The following LAMA1 variants were observed in gnomAD, a reference collection of about 807,000 sequenced individuals.
LAMA1 encodes laminin subunit alpha-1.
In LAMA1, 219 loss-of-function variants were observed where a neutral mutation model predicts 348.7. The ratio of observed to expected loss-of-function variants is 0.63; its 90% CI spans 0.56 to 0.70. The LOEUF (loss-of-function observed/expected upper bound fraction) is 0.70. Ranked by LOEUF, LAMA1 falls within the 30% of genes least tolerant of loss-of-function variation. LAMA1 has a pLI of 0.00. For synonymous variants in LAMA1, 1,487 were observed against 1,491.0 expected (o/e 1.00, Z 0.06); for missense variants, 3,744 against 3,888.0 (o/e 0.96, Z 0.99).
chr18:7,029,617 C>T (rs2144155310), intron 16 of LAMA1, among the ~76,000 whole-genome samples: 1 of 152,180 alleles, frequency 6.6e-6, no homozygotes, highest in Non-Finnish European at 1.5e-5. Context: ...ACCTGACTGT[C>T]CCTGTTGGTG....
At chr18:7,100,489 G>A (rs1344668225) in intron 1 of LAMA1, among the ~76,000 whole-genome samples, 2 of 152,162 alleles carry the variant, frequency 1.3e-5, no homozygotes, top group Non-Finnish European at 2.9e-5. Flanking sequence ...CAAGAGAAAT[G>A]AAACCTATAT....
intron 3 of LAMA1, among the ~76,000 whole-genome samples, chr18:7,070,924 C>T (rs1037118307): frequency 6.6e-4 from 93 of 139,978 alleles, no homozygotes; most frequent in South Asian, 1.2e-3. Context: ...AAAAAAAACA[C>T]GTTAGGTAGC....
chr18:7,040,186 A>AT lies in LAMA1; in HGVS notation c.1311dup (p.Cys438MetfsTer2). 1 of 1,613,896 alleles carries AT rather than the reference A, an allele frequency of 6.2e-7. No individual in the cohort carries two copies. The highest frequency in any genetic ancestry group is 8.5e-7 in the Non-Finnish European group (1 of 1,179,970). ...TTATAGCCAAGTTGGCAGCGATCAC[A>AT]TTTTTCTCCTGTATAACCTTCCTTA... On this transcript the variant is annotated frameshift_variant, in exon 10 of 63. Coordinates refer to ENST00000389658, the MANE Select transcript of LAMA1 (RefSeq NM_005559.4). LOFTEE classifies it high-confidence loss of function.
chr18:7,048,306 G>A (rs1277897123), intron 5 of LAMA1, among the ~76,000 whole-genome samples: 2 of 152,182 alleles, frequency 1.3e-5, no homozygotes, highest in Admixed American at 6.5e-5. Flanking sequence ...CACGCACACA[G>A]GAACAGCGGG....
At chr18:7,063,737 T>A (rs2058111675) in intron 3 of LAMA1, among the ~76,000 whole-genome samples, 1 of 152,114 alleles carries the variant, frequency 6.6e-6, no homozygotes, top group Admixed American at 6.5e-5. Flanking sequence ...GTACGCTAAG[T>A]GAAATAAGCC....
At chr18:6,996,764 G>A (rs1278086630) in intron 33 of LAMA1, among the ~76,000 whole-genome samples, 1 of 151,938 alleles carries the variant, frequency 6.6e-6, no homozygotes, top group Non-Finnish European at 1.5e-5. Flanking sequence ...GGGTGACTGA[G>A]GGAGACCCTG....
At chr18:6,990,852 G>A (rs1230452060) in intron 36 of LAMA1, among the ~76,000 whole-genome samples, 1 of 152,066 alleles carries the variant, frequency 6.6e-6, no homozygotes, top group East Asian at 1.9e-4. Context: ...ACAGATTCAG[G>A]TTTGTGGTCA....
chr18:6,973,236 AT>A (rs2057666495), intron 46 of LAMA1, 29 bp from the exon 47 acceptor site: 31 of 1,609,690 alleles, frequency 1.9e-5, no homozygotes, highest in Non-Finnish European at 2.5e-5. Flanking sequence ...TGCAAAAGAA[AT>A]TTTCAGAATT....
intron 8 of LAMA1, chr18:7,042,895 TAA>T (rs137994290): frequency 1.2e-5 from 3 of 253,724 alleles, no homozygotes; most frequent in East Asian, 9.8e-5. Flanking sequence ...AAATAAAAAT[TAA>T]AAAAAAAAGA....
Position 6,950,986 on chromosome 18 carries a change from T to C in LAMA1, c.8208-15A>G. On this transcript the variant is annotated splice_polypyrimidine_tract_variant and intron_variant, in intron 57 of 62. Coordinates refer to ENST00000389658, the MANE Select transcript of LAMA1 (RefSeq NM_005559.4). ...CAACCGAGAGCCTGGGGAAAACAAG[T>C]GCTCAGCGTTGAGAAAGGAAACTTT... is the stretch of plus-strand genomic sequence containing the variant. 1 of 1,611,484 alleles carries C rather than the reference T, an allele frequency of 6.2e-7. No individual in the cohort carries two copies. The highest frequency in any genetic ancestry group is 8.5e-7 in the Non-Finnish European group (1 of 1,178,944).
rs1025279155 is a variant in LAMA1, at chr18:6,994,030, C to A, written c.4897-278G>T. ...CTAATTGTGTATTAAACTACAGATT[C>A]TCCTAGTGGCTATACTGTGAGGGCC... On this transcript the variant is annotated intron_variant, in intron 34 of 62. Transcript: ENST00000389658. Among the ~76,000 whole-genome samples the A allele has an allele frequency of 2.0e-5, 3 of 152,196 alleles. No individual in the cohort carries two copies. The East Asian group carries it at 5.8e-4, about 29-fold the overall frequency.
intron 1 of LAMA1, among the ~76,000 whole-genome samples, chr18:7,115,723 C>A (rs2058352695): frequency 6.8e-6 from 1 of 147,818 alleles, no homozygotes; most frequent in Non-Finnish European, 1.5e-5. Flanking sequence ...GCAAACCCAG[C>A]ACTTTGGGAG....
At chr18:7,007,990 T>C (rs2057841064) in intron 28 of LAMA1, among the ~76,000 whole-genome samples, 1 of 152,130 alleles carries the variant, frequency 6.6e-6, no homozygotes, top group African/African-American at 2.4e-5. Context: ...TGGAGTGCAA[T>C]GGCACGATCT....
chr18:7,016,467 TCA>T (rs757633673), intron 21 of LAMA1, 22 bp downstream of exon 21: 16 of 1,613,916 alleles, frequency 9.9e-6, no homozygotes, highest in African/African-American at 2.7e-5. Context: ...CTACAAAGTC[TCA>T]AACAAGGAAA....
intron 23 of LAMA1, among the ~76,000 whole-genome samples, chr18:7,013,013 T>C (rs769326849): frequency 4.0e-5 from 6 of 151,580 alleles, no homozygotes; most frequent in Non-Finnish European, 8.8e-5. Flanking sequence ...TACAAAAATT[T>C]AGCCAGGCGT....
chr18:6,965,708 A>C (rs2057630273), intron 49 of LAMA1: 3 of 476,830 alleles, frequency 6.3e-6, no homozygotes, highest in Middle Eastern at 5.8e-4. Flanking sequence ...GAGACTGACA[A>C]GGGGCCCGTT....
At chr18:6,981,100 C>G (rs1269310474) in intron 41 of LAMA1, among the ~76,000 whole-genome samples, 1 of 144,634 alleles carries the variant, frequency 6.9e-6, no homozygotes, top group Non-Finnish European at 1.5e-5. Context: ...GAGACTCCGT[C>G]TCAAAAAAAA....
rs746464725 is a variant in LAMA1, at chr18:6,958,588, A to C, written c.7853T>G (p.Ile2618Arg). The C allele has an allele frequency of 6.2e-7, 1 of 1,614,096 alleles. No homozygotes were observed. The highest frequency in any genetic ancestry group is 8.5e-7 in the Non-Finnish European group (1 of 1,179,920). ...CCCGACGTACAGATTGGACACATTT[A>C]TCGTCCTGCTTTCTACTAATGTGCC... ...KLGTLVESRT[I>R]NVSNLYVGGI... Residue 2618 changes from isoleucine (I) to arginine (R), a missense_variant, in exon 55 of 63, where the codon ATA (isoleucine) becomes AGA (arginine). Around this residue, in one of 3 missense-constraint regions of LAMA1, gnomAD observed 1,983 missense variants for 1,934.3 expected, o/e 1.03. Transcript: ENST00000389658.
rs181556627 is a variant in LAMA1, at chr18:7,016,515, C to T, written c.2965G>A (p.Ala989Thr). ...CGTGTACAGCTACCATCCTGGTAGGCGTAGAAGCCATGGGCACACCTGTCA... is the reference window on the plus strand; with the variant it reads ...CGTGTACAGCTACCATCCTGGTAGGTGTAGAAGCCATGGGCACACCTGTCA... ...RCDRCAHGFY[A>T]YQDGSCTPCD... Residue 989 changes from alanine to threonine, a missense_variant, in exon 21 of 63, where the codon GCC becomes ACC. Ala to Thr is a moderately conservative substitution (Grantham distance 58, BLOSUM62 0). Transcript: ENST00000389658. 1.9e-5 allele frequency: 30 copies of T among 1,614,166 alleles called. No individual in the cohort carries two copies. The highest frequency in any genetic ancestry group is 1.6e-4 in the Middle Eastern group (1 of 6,062).
Sources: allele counts gnomAD v4.1 joint callset (sites outside exome capture counted in the v4.1 genomes callset), GRCh38; gene constraint gnomAD v4.1.1; regional missense constraint gnomAD v4.1.1; transcripts MANE v1.5; gene names NCBI Gene and HGNC (gene_info 2026-07-23, HGNC 2026-07-21).